Variants in HS6ST3 observed in about 807,000 individuals in gnomAD.
HS6ST3 encodes heparan sulfate 6-O-sulfotransferase 3.
HS6ST3 carries 12 observed loss-of-function variants against 36.7 expected under a neutral mutation model. The ratio of observed to expected loss-of-function variants is 0.33; its 90% CI spans 0.21 to 0.53. The LOEUF (loss-of-function observed/expected upper bound fraction) is 0.53, where lower values mean the gene tolerates loss of function less well. HS6ST3 is among the 20% of genes least tolerant of loss of function. The probability of loss-of-function intolerance (pLI) is 0.95; values close to 1 mark genes in which losing one functional copy is unlikely to be tolerated. For synonymous variants in HS6ST3, 240 were observed against 257.5 expected (o/e 0.93, Z 0.65); for missense variants, 584 against 640.9 (o/e 0.91, Z 0.96).
chr13:96,706,382 A>G (rs972680135), intron 1 of HS6ST3, among the ~76,000 whole-genome samples: 2 of 144,696 alleles, frequency 1.4e-5, no homozygotes, highest in African/African-American at 5.1e-5. Context: ...AGCAAGAAAA[A>G]TTATATATAT....
chr13:96,094,783 C>T (rs2053781954), intron 1 of HS6ST3, among the ~76,000 whole-genome samples: 1 of 152,120 alleles, frequency 6.6e-6, no homozygotes, highest in Admixed American at 6.5e-5. Flanking sequence ...AACTTCTGAC[C>T]ACAGAAACTG....
chr13:96,228,663 G>C (rs770100755), intron 1 of HS6ST3, among the ~76,000 whole-genome samples: 57 of 152,310 alleles, frequency 3.7e-4, no homozygotes, highest in Non-Finnish European at 6.5e-4. Context: ...GCCAGTGTTG[G>C]TCCATGGGAT....
At chr13:96,620,443 T>C (rs555021739) in intron 1 of HS6ST3, among the ~76,000 whole-genome samples, 1 of 152,172 alleles carries the variant, frequency 6.6e-6, no homozygotes, top group Non-Finnish European at 1.5e-5. Context: ...CAATGTGCAC[T>C]TACACAAGTA....
intron 1 of HS6ST3, among the ~76,000 whole-genome samples, chr13:96,419,049 T>C (rs2055549190): frequency 6.6e-6 from 1 of 152,246 alleles, no homozygotes; most frequent in Non-Finnish European, 1.5e-5. Flanking sequence ...TTACAGATTC[T>C]AAGTCAGACT....
chr13:96,658,296 T>TTTC (rs1467303957), intron 1 of HS6ST3, among the ~76,000 whole-genome samples: 1 of 87,384 alleles, frequency 1.1e-5, no homozygotes, highest in Non-Finnish European at 2.4e-5. Flanking sequence ...TTTTTTTTTT[T>TTTC]TTGAGATGGC....
At chr13:96,659,418 G>A (rs1357657987) in intron 1 of HS6ST3, among the ~76,000 whole-genome samples, 1 of 151,866 alleles carries the variant, frequency 6.6e-6, no homozygotes, top group Non-Finnish European at 1.5e-5. Context: ...TAAGCTCTTT[G>A]TTAGACATAT....
At chr13:96,610,853 G>GA (rs780834486) in intron 1 of HS6ST3, among the ~76,000 whole-genome samples, 1,482 of 135,786 alleles carry the variant, frequency 0.011, 11 homozygotes, top group African/African-American at 0.022. Flanking sequence ...TGAAAAAAAT[G>GA]AAAAAAAAAA....
At chr13:96,804,472 C>G in intron 1 of HS6ST3, among the ~76,000 whole-genome samples, 1 of 152,108 alleles carries the variant, frequency 6.6e-6, no homozygotes, top group Non-Finnish European at 1.5e-5. Flanking sequence ...TGGCTGCTGC[C>G]TTTTCTTACC....
intron 1 of HS6ST3, among the ~76,000 whole-genome samples, chr13:96,212,721 G>A (rs1278170273): frequency 6.6e-6 from 1 of 152,064 alleles, no homozygotes; most frequent in East Asian, 1.9e-4. Context: ...ATACTTTTTT[G>A]GGGGGTAAAG....
intron 1 of HS6ST3, among the ~76,000 whole-genome samples, chr13:96,470,725 C>A (rs773053899): frequency 5.3e-5 from 8 of 152,198 alleles, no homozygotes; most frequent in Non-Finnish European, 4.4e-5. Flanking sequence ...ACTAAAATTT[C>A]TCTCAATATT....
chr13:96,359,295 TAA>T lies in HS6ST3; in HGVS notation c.707+267727_707+267728del, dbSNP rs1190380160. On this transcript the variant is annotated intron_variant, in intron 1 of 1. Transcript: ENST00000376705. ...TTCATCCTAAAACTTTTTGTATCTT[TAA>T]TGAGATTGTTTGTACTCCACAGTTG... Among the ~76,000 whole-genome samples the T allele has an allele frequency of 3.3e-5, 5 of 152,200 alleles. No homozygotes were observed. In the East Asian group the frequency reaches 9.6e-4, roughly 29 times the overall value.
chr13:96,274,081 TC>T (rs938672847), intron 1 of HS6ST3, among the ~76,000 whole-genome samples: 1 of 150,416 alleles, frequency 6.6e-6, no homozygotes, highest in African/African-American at 2.4e-5. Context: ...TTTTGCTCTG[TC>T]CCCCAGGCTG....
intron 1 of HS6ST3, among the ~76,000 whole-genome samples, chr13:96,702,889 A>G (rs1178766816): frequency 6.6e-6 from 1 of 152,218 alleles, no homozygotes; most frequent in Non-Finnish European, 1.5e-5. Context: ...TTTCCGAAGC[A>G]GGAATGATAT....
chr13:96,303,214 A>C (rs1046312559), intron 1 of HS6ST3, among the ~76,000 whole-genome samples: 1 of 152,222 alleles, frequency 6.6e-6, no homozygotes, highest in African/African-American at 2.4e-5. Flanking sequence ...ACTTCTCTAA[A>C]GGTCTATATT....
chr13:96,422,127 T>C (rs760466892), intron 1 of HS6ST3, among the ~76,000 whole-genome samples: 2 of 152,204 alleles, frequency 1.3e-5, no homozygotes, highest in Non-Finnish European at 2.9e-5. Context: ...TGTTAAGATA[T>C]ACTTTTTGTC....
chr13:96,770,669 T>C (rs890854326), intron 1 of HS6ST3, among the ~76,000 whole-genome samples: 1 of 152,188 alleles, frequency 6.6e-6, no homozygotes, highest in Admixed American at 6.5e-5. Flanking sequence ...GAATTAGAGA[T>C]TGACTAATTA....
At chr13:96,113,710 T>A (rs1467839899) in intron 1 of HS6ST3, among the ~76,000 whole-genome samples, 1 of 152,190 alleles carries the variant, frequency 6.6e-6, no homozygotes, top group Non-Finnish European at 1.5e-5. Context: ...AGTCTGACTA[T>A]ATATTAGGAA....
intron 1 of HS6ST3, among the ~76,000 whole-genome samples, chr13:96,522,145 T>C (rs997487509): frequency 6.6e-6 from 1 of 152,230 alleles, no homozygotes; most frequent in Admixed American, 6.5e-5. Flanking sequence ...TCAGTTTCCA[T>C]GTAGTTGTGC....
At chr13:96,403,547 T>C (rs920878480) in intron 1 of HS6ST3, among the ~76,000 whole-genome samples, 1 of 152,228 alleles carries the variant, frequency 6.6e-6, no homozygotes, top group African/African-American at 2.4e-5. Context: ...CTTTTGTGAC[T>C]TAATCATTTC....
Sources: gnomAD v4.1 joint callset for allele counts (sites outside exome capture counted in the v4.1 genomes callset) on GRCh38, gnomAD v4.1.1 for gene constraint, MANE v1.5 for transcripts, NCBI Gene and HGNC (gene_info 2026-07-23, HGNC 2026-07-21) for gene names.